E2F5: variants seen among roughly 807,000 people sequenced by gnomAD.
The protein encoded by E2F5 is E2F transcription factor 5, also known as transcription factor E2F5.
In E2F5, 23 loss-of-function variants were observed where a neutral mutation model predicts 39.1. That is an observed-to-expected ratio of 0.59 (90% CI 0.42 to 0.83). E2F5 has a LOEUF of 0.83. Among genes scored for constraint, E2F5 ranks in the 40% least tolerant of loss-of-function variants. The probability of loss-of-function intolerance (pLI) is 0.00; values close to 1 mark genes in which losing one functional copy is unlikely to be tolerated. For missense variants in E2F5, 365 were observed against 406.7 expected (o/e 0.90, Z 0.88); for synonymous variants, 145 against 157.8 (o/e 0.92, Z 0.61).
intron 4 of E2F5, 87 bp from the exon 5 acceptor site, chr8:85,207,338 C>T (rs1390868804): frequency 1.5e-5 from 18 of 1,170,018 alleles, no homozygotes; most frequent in Non-Finnish European, 2.2e-5. Context: ...TTGAACCAAA[C>T]ACTCTGATTC....
In E2F5 at chr8:85,206,236, CTT is replaced by C; in HGVS notation, c.550+19_550+20del. The C allele has an allele frequency of 6.2e-7, 1 of 1,608,392 alleles. No individual in the cohort carries two copies. Among genetic ancestry groups the C allele is most frequent in the Non-Finnish European group, 8.5e-7 (1 of 1,176,254 alleles). ...TGCTTTAATGGTAAGTACCATTAGA[CTT>C]TTCCTTGCATTCTTCCTCTCAACCT... On this transcript the variant is annotated intron_variant, in intron 4 of 7. Transcript: ENST00000416274.
At chr8:85,209,035 T>C in intron 5 of E2F5, 107 bp from the exon 6 acceptor site, 2 of 1,133,670 alleles carry the variant, frequency 1.8e-6, no homozygotes, top group South Asian at 1.6e-5. Context: ...TATTGTGTTA[T>C]GTGAATTTAG....
chr8:85,193,190 T>C (rs1263226661), intron 1 of E2F5, among the ~76,000 whole-genome samples: 2 of 152,142 alleles, frequency 1.3e-5, no homozygotes, highest in Non-Finnish European at 2.9e-5. Context: ...TTTACATATA[T>C]TAAAATGTTC....
At chr8:85,213,101 T>C (rs2129775307) in intron 7 of E2F5, 1 of 151,036 alleles carries the variant, frequency 6.6e-6, no homozygotes, top group Non-Finnish European at 1.5e-5. Flanking sequence ...TTTCACCATG[T>C]TGGCCAGGCT....
At chr8:85,191,988 G>C (rs1179426856) in intron 1 of E2F5, among the ~76,000 whole-genome samples, 1 of 152,138 alleles carries the variant, frequency 6.6e-6, no homozygotes, top group Non-Finnish European at 1.5e-5. Context: ...TGTGTGAAGA[G>C]AATATTGGAT....
rs1035374161 is a variant in E2F5 at position 85,196,008 on chromosome 8, AT to A, written c.235-6130del. On this transcript the variant is annotated intron_variant, in intron 1 of 7. Coordinates refer to ENST00000416274, the MANE Select transcript of E2F5 (RefSeq NM_001951.4). ...AAAGTTTATACAAAGTTTATTAAAAATTTTTTTTTAAAAATTTAAAGCTTAT... is the reference window on the plus strand; with the variant it reads ...AAAGTTTATACAAAGTTTATTAAAAATTTTTTTTAAAAATTTAAAGCTTAT... 2.0e-4 allele frequency among the ~76,000 whole-genome samples: 31 copies of A among 151,982 alleles called. 1 individual carries two copies. Among genetic ancestry groups the A allele is most frequent in the African/African-American group, 4.8e-4 (20 of 41,480 alleles).
intron 1 of E2F5, among the ~76,000 whole-genome samples, chr8:85,191,499 C>G (rs566012317): frequency 6.6e-6 from 1 of 152,156 alleles, no homozygotes; most frequent in Non-Finnish European, 1.5e-5. Flanking sequence ...TTAGCCATTC[C>G]ACAATGTATA....
intron 1 of E2F5, among the ~76,000 whole-genome samples, chr8:85,190,868 TGGAAGAA>T (rs1812447059): frequency 6.6e-6 from 1 of 151,930 alleles, no homozygotes; most frequent in Non-Finnish European, 1.5e-5. Flanking sequence ...TTCTTCAAAG[TGGAAGAA>T]GGAAGAAGAG....
rs868730092 is a variant in E2F5, at chr8:85,212,204, G to A, written c.931G>A (p.Val311Met). ...DIIDELMSSD[V>M]FPLLRLSPTP... Reference sequence around the variant, plus strand: ...CATTGATGAGTTAATGTCTTCTGACGGTAAGTAGGTTAAAATTTTACTAAC... The same window carrying A: ...CATTGATGAGTTAATGTCTTCTGACAGTAAGTAGGTTAAAATTTTACTAAC... The change falls in exon 7 of 8, where the codon GTG (valine) becomes ATG (methionine). Residue 311 changes from valine to methionine, a missense_variant and splice_region_variant. Physicochemically the swap from Val to Met is conservative, Grantham distance 21 (BLOSUM62 1). Transcript: ENST00000416274. The A allele has an allele frequency of 3.1e-6, 5 of 1,604,048 alleles. No individual in the cohort carries two copies. The highest frequency in any genetic ancestry group is 4.5e-5 in the East Asian group (2 of 44,632).
chr8:85,195,154 G>T (rs1464199814), intron 1 of E2F5, among the ~76,000 whole-genome samples: 1 of 151,984 alleles, frequency 6.6e-6, no homozygotes, highest in Non-Finnish European at 1.5e-5. Flanking sequence ...GGAGGCCGAG[G>T]TGGGTGGATC....
chr8:85,180,029 C>T (rs1812166645), intron 1 of E2F5, among the ~76,000 whole-genome samples: 1 of 133,388 alleles, frequency 7.5e-6, no homozygotes, highest in South Asian at 2.5e-4. Flanking sequence ...TCGTTAAAGC[C>T]TTTTTTTTTT....
In E2F5 at chr8:85,214,470, C is replaced by A; in HGVS notation, c.*608C>A. 7.9e-6 allele frequency: 7 copies of A among 881,220 alleles called. No homozygotes were observed. Among genetic ancestry groups the A allele is most frequent in the South Asian group, 5.7e-5 (4 of 69,658 alleles). 54.6% of individuals were successfully genotyped at this position (881,220 alleles called of 1,614,324 possible). A position where few individuals can be genotyped will look rare whatever the true frequency, so the allele number is the denominator to read the frequency against. On this transcript the variant is annotated 3_prime_UTR_variant, in exon 8 of 8. Transcript: ENST00000416274. ...AGTTTGTTTTTAAAATGTGCCAATG[C>A]CTGTACATTAACAAGATTTTTAAAA...
In E2F5 at chr8:85,213,944, A is replaced by G; in HGVS notation, c.*82A>G. ...CTTAATAACCTAAATATTTAAAATAATGAATGTAACACCTTTTTTAGTTCA... is the reference window on the plus strand; with the variant it reads ...CTTAATAACCTAAATATTTAAAATAGTGAATGTAACACCTTTTTTAGTTCA... On this transcript the variant is annotated 3_prime_UTR_variant, in exon 8 of 8. Transcript: ENST00000416274. 1.2e-6 allele frequency: 1 copy of G among 804,994 alleles called. No homozygotes were observed. The highest frequency in any genetic ancestry group is 2.0e-6 in the Non-Finnish European group (1 of 492,530). 49.9% of individuals were successfully genotyped at this position (804,994 alleles called of 1,614,324 possible).
intron 1 of E2F5, 155 bp downstream of exon 1, chr8:85,177,809 G>A: frequency 8.8e-7 from 1 of 1,137,548 alleles, no homozygotes; most frequent in Non-Finnish European, 1.1e-6. Context: ...CTGCGCCCGG[G>A]TCGTGGACGC....
At chr8:85,183,040 G>T (rs376873058) in intron 1 of E2F5, among the ~76,000 whole-genome samples, 9 of 152,004 alleles carry the variant, frequency 5.9e-5, no homozygotes, top group Non-Finnish European at 8.8e-5. Context: ...TCACGAGGTC[G>T]GGAGATTGAG....
At chr8:85,184,053 C>G (rs1321980219) in intron 1 of E2F5, among the ~76,000 whole-genome samples, 3 of 151,980 alleles carry the variant, frequency 2.0e-5, no homozygotes, top group African/African-American at 7.3e-5. Flanking sequence ...TCTGAAGAAA[C>G]CAAATGGGCC....
intron 1 of E2F5, among the ~76,000 whole-genome samples, chr8:85,199,409 A>G (rs1450172771): frequency 6.6e-6 from 1 of 152,088 alleles, no homozygotes; most frequent in Non-Finnish European, 1.5e-5. Context: ...TCCAAACATA[A>G]TTATTTGTAT....
In E2F5 at chr8:85,184,888, C is replaced by T. The variant is rs181496023; in HGVS notation, c.234+7234C>T. 8.5e-3 allele frequency among the ~76,000 whole-genome samples: 1,297 copies of T among 152,322 alleles called. 7 individuals carry two copies. Among genetic ancestry groups the T allele is most frequent in the Admixed American group, 0.015 (234 of 15,302 alleles). ...GGACACAAACAAATGGAAAAACATT[C>T]TATGCTCATGGATAGGAAGAATCAA... is the stretch of plus-strand genomic sequence containing the variant. On this transcript the variant is annotated intron_variant, in intron 1 of 7. Coordinates refer to ENST00000416274, the MANE Select transcript of E2F5 (RefSeq NM_001951.4).
At chr8:85,193,945 T>C (rs566477895) in intron 1 of E2F5, among the ~76,000 whole-genome samples, 7 of 152,356 alleles carry the variant, frequency 4.6e-5, no homozygotes, top group South Asian at 4.1e-4. Context: ...AGCCTTCATA[T>C]AGACACATTT....
Sources: gnomAD v4.1 joint callset for allele counts (sites outside exome capture counted in the v4.1 genomes callset) on GRCh38, gnomAD v4.1.1 for gene constraint, MANE v1.5 for transcripts, NCBI Gene and HGNC (gene_info 2026-07-23, HGNC 2026-07-21) for gene names.